Variants in CMTM8 observed in about 807,000 individuals in gnomAD.
CMTM8 encodes CKLF like MARVEL transmembrane domain containing 8.
In CMTM8, 12 loss-of-function variants were observed where a neutral mutation model predicts 18.6. That is an observed-to-expected ratio of 0.65 (90% CI 0.41 to 1.05). The LOEUF is 1.05. Among genes scored for constraint, CMTM8 ranks in the 50% least tolerant of loss-of-function variants. The pLI, the probability that CMTM8 is intolerant of heterozygous loss-of-function variation, is 0.00. For missense variants in CMTM8, 217 were observed against 227.2 expected, an observed-to-expected ratio of 0.95 and a Z score of 0.29; for synonymous variants, 87 against 90.6, an observed-to-expected ratio of 0.96 and a Z score of 0.23.
intron 1 of CMTM8, among the ~76,000 whole-genome samples, chr3:32,342,020 G>T (rs1015074668): frequency 6.6e-6 from 1 of 152,016 alleles, no homozygotes; most frequent in African/African-American, 2.4e-5. Flanking sequence ...GGCTGAGGTG[G>T]GCGGATCACC....
At chr3:32,259,796 G>T in intron 1 of CMTM8, 1 of 836,902 alleles carries the variant, frequency 1.2e-6, no homozygotes, top group Non-Finnish European at 2.1e-6. Flanking sequence ...CACACAGTCC[G>T]CCGAGGTTGG....
chr3:32,250,530 T>C (rs1370665496), intron 1 of CMTM8, among the ~76,000 whole-genome samples: 2 of 152,212 alleles, frequency 1.3e-5, no homozygotes, highest in African/African-American at 2.4e-5. Context: ...GGGATGTCTT[T>C]ATATTTATTT....
intron 1 of CMTM8, among the ~76,000 whole-genome samples, chr3:32,277,830 C>T (rs1296252413): frequency 6.6e-6 from 1 of 152,132 alleles, no homozygotes; most frequent in African/African-American, 2.4e-5. Context: ...CAATACTGAG[C>T]CCATAGTTCC....
chr3:32,365,785 T>A (rs1697022419), intron 2 of CMTM8, among the ~76,000 whole-genome samples: 1 of 152,148 alleles, frequency 6.6e-6, no homozygotes, highest in Non-Finnish European at 1.5e-5. Context: ...TAGCTCTCTT[T>A]CACTGTGGCC....
intron 1 of CMTM8, among the ~76,000 whole-genome samples, chr3:32,347,870 G>A (rs1424880341): frequency 2.0e-5 from 3 of 152,142 alleles, no homozygotes; most frequent in Non-Finnish European, 2.9e-5. Flanking sequence ...GGTGATGAGA[G>A]CCTTTAACGT....
At chr3:32,263,063 C>A (rs1702279382) in intron 1 of CMTM8, among the ~76,000 whole-genome samples, 1 of 151,538 alleles carries the variant, frequency 6.6e-6, no homozygotes, top group Non-Finnish European at 1.5e-5. Context: ...ATGCAGAAGA[C>A]AGATGATTTC....
intron 1 of CMTM8, among the ~76,000 whole-genome samples, chr3:32,258,396 G>A (rs1009047072): frequency 5.9e-5 from 9 of 152,236 alleles, no homozygotes; most frequent in Admixed American, 2.6e-4. Context: ...CAGTAGTTTT[G>A]TTATTCACTT....
At chr3:32,319,074 A>ATATTT in intron 1 of CMTM8, among the ~76,000 whole-genome samples, 25 of 31,538 alleles carry the variant, frequency 7.9e-4, no homozygotes, top group East Asian at 4.6e-3. Flanking sequence ...ATATATATAT[A>ATATTT]TTTTTTTTTT....
intron 1 of CMTM8, among the ~76,000 whole-genome samples, chr3:32,295,455 C>CAAAAAAAAAAAAAA (rs1400148634): frequency 3.6e-5 from 1 of 27,532 alleles, no homozygotes; most frequent in African/African-American, 1.3e-4. Flanking sequence ...GACTCCATCT[C>CAAAAAAAAAAAAAA]AAAAAAAAAA....
chr3:32,262,022 C>G (rs1371861315), intron 1 of CMTM8, among the ~76,000 whole-genome samples: 1 of 152,116 alleles, frequency 6.6e-6, no homozygotes, highest in Non-Finnish European at 1.5e-5. Context: ...CTAGGCTGAG[C>G]TTCCAGGAGC....
chr3:32,348,529 C>T (rs867341729), intron 1 of CMTM8, among the ~76,000 whole-genome samples: 20 of 102,050 alleles, frequency 2.0e-4, no homozygotes, highest in Non-Finnish European at 2.2e-4. Flanking sequence ...CTTCCTGGAA[C>T]TTTTTTTTTT....
intron 1 of CMTM8, among the ~76,000 whole-genome samples, chr3:32,298,115 G>A (rs931535356): frequency 2.7e-5 from 4 of 149,542 alleles, no homozygotes; most frequent in Non-Finnish European, 5.9e-5. Flanking sequence ...TCGTTCTGTC[G>A]CTGAGGCTGG....
At chr3:32,337,145 T>C (rs1203564713) in intron 1 of CMTM8, among the ~76,000 whole-genome samples, 1 of 152,170 alleles carries the variant, frequency 6.6e-6, no homozygotes, top group Non-Finnish European at 1.5e-5. Flanking sequence ...AGCAGAGCCC[T>C]CATGATCCAA....
chr3:32,298,922 C>G (rs1307135160), intron 1 of CMTM8, among the ~76,000 whole-genome samples: 3 of 139,184 alleles, frequency 2.2e-5, no homozygotes, highest in Admixed American at 7.3e-5. Context: ...CATACACACA[C>G]ACATATATAT....
intron 1 of CMTM8, chr3:32,244,004 C>T (rs1701978502): frequency 1.2e-5 from 2 of 164,990 alleles, no homozygotes; most frequent in East Asian, 1.7e-4. Flanking sequence ...AGTATTCAAG[C>T]ATCTTCCAGT....
chr3:32,294,533 A>G (rs1472601252), intron 1 of CMTM8, among the ~76,000 whole-genome samples: 1 of 152,098 alleles, frequency 6.6e-6, no homozygotes, highest in African/African-American at 2.4e-5. Flanking sequence ...CAGCCTTACC[A>G]CTTACTATCT....
At chr3:32,273,293 A>G (rs542374073) in intron 1 of CMTM8, among the ~76,000 whole-genome samples, 1 of 152,178 alleles carries the variant, frequency 6.6e-6, no homozygotes, top group South Asian at 2.1e-4. Context: ...CTGAGCTGGC[A>G]TGAAAAGAAA....
chr3:32,354,554 C>G (rs77470173), intron 1 of CMTM8, among the ~76,000 whole-genome samples: 4,721 of 152,274 alleles, frequency 0.031, 83 homozygotes, highest in East Asian at 0.1. Flanking sequence ...TAATGAAAAA[C>G]GTTTTTGCAT....
intron 1 of CMTM8, among the ~76,000 whole-genome samples, chr3:32,318,691 C>T (rs1453548826): frequency 1.3e-5 from 2 of 151,502 alleles, no homozygotes; most frequent in South Asian, 4.2e-4. Context: ...CTCAGCCTCC[C>T]GAGTACCTGG....
Sources: gnomAD v4.1 joint callset for allele counts (sites outside exome capture counted in the v4.1 genomes callset) on GRCh38, gnomAD v4.1.1 for gene constraint, MANE v1.5 for transcripts, NCBI Gene and HGNC (gene_info 2026-07-23, HGNC 2026-07-21) for gene names.